The following TMEM117 variants were observed in gnomAD, a reference collection of about 807,000 sequenced individuals.
TMEM117 encodes transmembrane protein 117.
Under a neutral mutation model 52.4 loss-of-function variants are expected in TMEM117, and 27 were observed. That is an observed-to-expected ratio of 0.51 (90% CI 0.38 to 0.71). The LOEUF (loss-of-function observed/expected upper bound fraction) is 0.71. Among genes scored for constraint, TMEM117 ranks in the 30% least tolerant of loss-of-function variants. The pLI, the probability that TMEM117 is intolerant of heterozygous loss-of-function variation, is 0.00. For missense variants in TMEM117, 556 were observed against 630.5 expected, an observed-to-expected ratio of 0.88 and a Z score of 1.26; for synonymous variants, 215 against 206.3, an observed-to-expected ratio of 1.04 and a Z score of -0.36.
At chr12:43,896,712 G>A (rs1410488019) in intron 2 of TMEM117, among the ~76,000 whole-genome samples, 1 of 152,084 alleles carries the variant, frequency 6.6e-6, no homozygotes, top group African/African-American at 2.4e-5. Flanking sequence ...TGTTGGCCAT[G>A]GTTATAGCAT....
At chr12:43,976,575 C>T (rs757859755) in intron 3 of TMEM117, among the ~76,000 whole-genome samples, 2 of 152,140 alleles carry the variant, frequency 1.3e-5, no homozygotes, top group East Asian at 3.9e-4. Flanking sequence ...TTATCTAGAT[C>T]GATTTCTTTA....
At chr12:43,983,462 C>T (rs1487811008) in intron 3 of TMEM117, among the ~76,000 whole-genome samples, 1 of 150,082 alleles carries the variant, frequency 6.7e-6, no homozygotes, top group African/African-American at 2.4e-5. Flanking sequence ...ACAGTTTGCA[C>T]ATGAATTTAT....
intron 7 of TMEM117, among the ~76,000 whole-genome samples, chr12:44,386,081 G>GT (rs565201014): frequency 6.6e-6 from 1 of 152,002 alleles, no homozygotes; most frequent in Admixed American, 6.6e-5. Flanking sequence ...GTATCCTTCA[G>GT]TTTTTTTCCA....
At chr12:44,230,018 C>T (rs1949912395) in intron 5 of TMEM117, among the ~76,000 whole-genome samples, 2 of 152,206 alleles carry the variant, frequency 1.3e-5, no homozygotes, top group South Asian at 4.1e-4. Context: ...TGTTTTCTCA[C>T]ACGTTATGTA....
At chr12:44,286,767 A>G (rs922973272) in intron 5 of TMEM117, among the ~76,000 whole-genome samples, 1 of 152,216 alleles carries the variant, frequency 6.6e-6, no homozygotes, top group African/African-American at 2.4e-5. Context: ...TCCCATATAT[A>G]ATAAACAATT....
intron 2 of TMEM117, among the ~76,000 whole-genome samples, chr12:43,939,904 C>A (rs1945016110): frequency 6.6e-6 from 1 of 152,208 alleles, no homozygotes; most frequent in Non-Finnish European, 1.5e-5. Flanking sequence ...AAAATCACAT[C>A]TTGCATGGCA....
At chr12:44,144,933 G>A (rs961671628) in intron 4 of TMEM117, among the ~76,000 whole-genome samples, 23 of 152,090 alleles carry the variant, frequency 1.5e-4, no homozygotes, top group African/African-American at 3.4e-4. Flanking sequence ...CGAGGCGGGC[G>A]GATCATGAGG....
chr12:44,021,221 A>G (rs1946450598), intron 3 of TMEM117, among the ~76,000 whole-genome samples: 2 of 152,128 alleles, frequency 1.3e-5, no homozygotes, highest in African/African-American at 2.4e-5. Context: ...TATTAAGCCC[A>G]GTACCAAATA....
At chr12:43,988,718 T>A (rs1945888571) in intron 3 of TMEM117, among the ~76,000 whole-genome samples, 1 of 152,050 alleles carries the variant, frequency 6.6e-6, no homozygotes, top group Non-Finnish European at 1.5e-5. Context: ...CTGCACTGTA[T>A]CCATGGAACA....
chr12:43,848,102 G>A (rs1269622981), intron 2 of TMEM117, among the ~76,000 whole-genome samples: 1 of 151,936 alleles, frequency 6.6e-6, no homozygotes, highest in Non-Finnish European at 1.5e-5. Context: ...TCTAACAAAG[G>A]TCACATGGCA....
intron 3 of TMEM117, among the ~76,000 whole-genome samples, chr12:43,994,674 C>T (rs1945998581): frequency 6.6e-6 from 1 of 151,880 alleles, no homozygotes; most frequent in Admixed American, 6.6e-5. Flanking sequence ...TATTCCTTTT[C>T]AATTAATTGA....
At chr12:44,183,164 T>G (rs1592587819) in intron 4 of TMEM117, among the ~76,000 whole-genome samples, 1 of 152,214 alleles carries the variant, frequency 6.6e-6, no homozygotes, top group African/African-American at 2.4e-5. Flanking sequence ...TTTGGTGTAT[T>G]TCTAATATTT....
chr12:44,068,888 G>A (rs1947260507), intron 3 of TMEM117, among the ~76,000 whole-genome samples: 1 of 152,138 alleles, frequency 6.6e-6, no homozygotes, highest in African/African-American at 2.4e-5. Context: ...ACAATAAAAT[G>A]AGACATGCCT....
chr12:44,105,193 T>C (rs1021718526), intron 3 of TMEM117, among the ~76,000 whole-genome samples: 1 of 151,966 alleles, frequency 6.6e-6, no homozygotes, highest in Non-Finnish European at 1.5e-5. Flanking sequence ...ATTTTCAATA[T>C]GGTAAGTTTC....
chr12:44,089,616 G>C (rs1490192878), intron 3 of TMEM117, among the ~76,000 whole-genome samples: 1 of 152,050 alleles, frequency 6.6e-6, no homozygotes, highest in African/African-American at 2.4e-5. Context: ...CAGCGTAAGA[G>C]AGTCACATGA....
At chr12:43,798,433 T>C in the TMEM117 span, 10 of 778,896 alleles carry the variant, frequency 1.3e-5, no homozygotes, top group Middle Eastern at 3.2e-4. Flanking sequence ...TGATAGCTAG[T>C]AGAGAGTCTC....
intron 2 of TMEM117, among the ~76,000 whole-genome samples, chr12:43,903,299 G>A (rs748184223): frequency 6.6e-6 from 1 of 152,056 alleles, no homozygotes; most frequent in Non-Finnish European, 1.5e-5. Flanking sequence ...GCTTCTGCTG[G>A]TGTTTTAATA....
intron 6 of TMEM117, among the ~76,000 whole-genome samples, chr12:44,300,408 C>T (rs1950824882): frequency 6.6e-6 from 1 of 152,164 alleles, no homozygotes; most frequent in South Asian, 2.1e-4. Context: ...AATATCCATC[C>T]ATTTGTTAGA....
At chr12:44,193,951 G>A (rs947664924) in intron 4 of TMEM117, among the ~76,000 whole-genome samples, 6 of 152,098 alleles carry the variant, frequency 3.9e-5, no homozygotes, top group Non-Finnish European at 5.9e-5. Flanking sequence ...CAAGTGTCAT[G>A]AGAAACAGCA....
Sources: allele counts gnomAD v4.1 joint callset (sites outside exome capture counted in the v4.1 genomes callset), GRCh38; gene constraint gnomAD v4.1.1; transcripts MANE v1.5; gene names NCBI Gene and HGNC (gene_info 2026-07-23, HGNC 2026-07-21).